The following CLCC1 variants were observed in gnomAD, a reference collection of about 807,000 sequenced individuals.
CLCC1 encodes the protein chloride channel CLIC-like protein 1.
CLCC1 carries 39 observed loss-of-function variants against 63.3 expected under a neutral mutation model. That is an observed-to-expected ratio of 0.62 (90% CI 0.48 to 0.81). The LOEUF (loss-of-function observed/expected upper bound fraction) is 0.81, where lower values mean the gene tolerates loss of function less well. Among genes scored for constraint, CLCC1 ranks in the 30% least tolerant of loss-of-function variants. CLCC1 has a pLI of 0.00. For missense variants in CLCC1, 549 were observed against 669.4 expected (o/e 0.82, Z 1.98); for synonymous variants, 217 against 239.8 (o/e 0.90, Z 0.88).
chr1:108,954,817 CGTGTGTGTGTGTGTGTGT>C (rs58482013), intron 2 of CLCC1, among the ~76,000 whole-genome samples: 1 of 140,518 alleles, frequency 7.1e-6, no homozygotes, highest in Admixed American at 7.0e-5. Flanking sequence ...ACTGTCTTTG[CGTGTGTGTGTGTGTGTGT>C]GTGTGTGTGT....
intron 2 of CLCC1, among the ~76,000 whole-genome samples, chr1:108,959,010 C>A (rs1557900928): frequency 6.9e-6 from 1 of 145,382 alleles, no homozygotes; most frequent in East Asian, 2.0e-4. Flanking sequence ...CCCATCTCTA[C>A]AAAAAAATAC....
intron 2 of CLCC1, among the ~76,000 whole-genome samples, chr1:108,961,478 TTCTC>T (rs983415270): frequency 4.9e-4 from 75 of 152,308 alleles, no homozygotes; most frequent in African/African-American, 1.6e-3. Context: ...ACACTACTCT[TTCTC>T]TCTCCCGCAG....
intron 9 of CLCC1, 58 bp from the exon 10 acceptor site, chr1:108,939,840 A>G: frequency 6.5e-7 from 1 of 1,540,292 alleles, no homozygotes; most frequent in Non-Finnish European, 8.8e-7. Flanking sequence ...TACAGAATGC[A>G]TCAAAATTCA....
rs902850622 is a variant in CLCC1 at position 108,931,938 on chromosome 1, T to G, written c.*609A>C. The G allele has an allele frequency of 6.4e-6, 1 of 155,122 alleles. No homozygotes were observed. Among genetic ancestry groups the G allele is most frequent in the African/African-American group, 2.4e-5 (1 of 41,460 alleles). The allele number at this position is 155,122 out of a possible 1,614,324, so 9.6% of individuals were successfully genotyped here. Reference sequence around the variant, plus strand: ...CAACATTATTCCATTTAAACATTGTTTTTAACAGCTGTCTACCCTGTTCTG... The same window carrying G: ...CAACATTATTCCATTTAAACATTGTGTTTAACAGCTGTCTACCCTGTTCTG... On this transcript the variant is annotated 3_prime_UTR_variant, in exon 13 of 13. Coordinates refer to ENST00000369969, the MANE Select transcript of CLCC1 (RefSeq NM_001377458.1).
intron 4 of CLCC1, 87 bp downstream of exon 4, chr1:108,949,733 A>T: frequency 1.4e-6 from 1 of 709,162 alleles, no homozygotes. Flanking sequence ...CGGAAACACT[A>T]GAAATACAAA....
At chr1:108,945,282 G>A (rs67008022) in intron 5 of CLCC1, among the ~76,000 whole-genome samples, 16,645 of 151,928 alleles carry the variant, frequency 0.11, 1,143 homozygotes, top group Middle Eastern at 0.19. Context: ...TCAGAGGGCC[G>A]TTTTAAACAA....
Position 108,937,408 on chromosome 1 carries a change from T to G in CLCC1, c.1052A>C (p.Tyr351Ser), listed in dbSNP as rs150318832. ...CACATGAACTGATTTTCCAGCACCA[T>G]AGCAGAAACTCTGTAAGGAAAAGAA... ...IMALAILSFC[Y>S]GAGKSVHVLR... The change falls in exon 11 of 13, where the codon TAT becomes TCT. Residue 351 changes from tyrosine (Y) to serine (S), a missense_variant. Physicochemically the swap from Tyr to Ser is moderately radical, Grantham distance 144 (BLOSUM62 -2). Coordinates refer to ENST00000369969, the MANE Select transcript of CLCC1 (RefSeq NM_001377458.1). 1.3e-6 allele frequency: 2 copies of G among 1,592,806 alleles called. No individual in the cohort carries two copies. Among genetic ancestry groups the G allele is most frequent in the Admixed American group, 1.8e-5 (1 of 56,074 alleles).
At chr1:108,937,037 G>T in intron 11 of CLCC1, 40 bp downstream of exon 11, 1 of 1,382,642 alleles carries the variant, frequency 7.2e-7, no homozygotes, top group Non-Finnish European at 9.6e-7. Context: ...TTTAGAACCA[G>T]TAATGAAGGG....
At chr1:108,959,112 T>C (rs1656303795) in intron 2 of CLCC1, among the ~76,000 whole-genome samples, 1 of 152,076 alleles carries the variant, frequency 6.6e-6, no homozygotes, top group Admixed American at 6.6e-5. Flanking sequence ...AGGCGGAGGT[T>C]GAGGTGAGCC....
At position 108,939,736 on chromosome 1, in the gene CLCC1, T is replaced by C; in HGVS notation, c.941A>G (p.His314Arg). The change falls in exon 10 of 13, where the codon CAT (histidine) becomes CGT (arginine). Residue 314 changes from histidine to arginine, a missense_variant. His to Arg is a conservative substitution (Grantham distance 29, BLOSUM62 0). Transcript: ENST00000369969. ...AAATTCCCCAGTTCCTTTTCCAATA[T>C]GCTTCAATGGCTCCGTTACAAATGT... Reference protein sequence around the residue: ...FTTFVTEPLKHIGKGTGEFIK... With the variant: ...FTTFVTEPLKRIGKGTGEFIK... The C allele has an allele frequency of 6.2e-7, 1 of 1,614,190 alleles. No homozygotes were observed. The highest frequency in any genetic ancestry group is 8.5e-7 in the Non-Finnish European group (1 of 1,180,036).
In CLCC1 at chr1:108,937,330, CGT is replaced by C; in HGVS notation, c.1128_1129del (p.Arg377GlyfsTer2). 6.2e-7 allele frequency: 1 copy of C among 1,614,208 alleles called. No individual in the cohort carries two copies. Among genetic ancestry groups the C allele is most frequent in the Non-Finnish European group, 8.5e-7 (1 of 1,180,036 alleles). ...AATTTCCTCCTGCCGTCTTCTATCC[CGT>C]GGCCGAAGTGCCTGGGGAGGTTCGC... On this transcript the variant is annotated frameshift_variant, in exon 11 of 13. Coordinates refer to ENST00000369969, the MANE Select transcript of CLCC1 (RefSeq NM_001377458.1). LOFTEE classifies it high-confidence loss of function.
chr1:108,934,520 T>C (rs1238390197), intron 12 of CLCC1, 105 bp downstream of exon 12: 1 of 860,298 alleles, frequency 1.2e-6, no homozygotes, highest in Admixed American at 2.9e-5. Context: ...TAATTGTCAG[T>C]AAAAATGTGA....
rs931567682 is a variant in CLCC1, at chr1:108,962,629, G to A, written c.-172-160C>T. Among the ~76,000 whole-genome samples the A allele has an allele frequency of 2.0e-5, 3 of 152,190 alleles. No homozygotes were observed. The South Asian group carries it at 6.2e-4, about 31-fold the overall frequency. On this transcript the variant is annotated intron_variant, in intron 1 of 12. Transcript: ENST00000369969. ...CACGCTTGTAATCCCAGCACTTTGG[G>A]AGGCCAAGATGGGAAGATCCTTTGA...
At chr1:108,961,300 C>A (rs954531945) in intron 2 of CLCC1, among the ~76,000 whole-genome samples, 22 of 65,990 alleles carry the variant, frequency 3.3e-4, no homozygotes, top group East Asian at 2.4e-3. Context: ...AAAAAAAAAA[C>A]GATTCTGATT....
At chr1:108,940,567 C>G (rs528646180) in intron 8 of CLCC1, among the ~76,000 whole-genome samples, 1 of 152,268 alleles carries the variant, frequency 6.6e-6, no homozygotes, top group African/African-American at 2.4e-5. Flanking sequence ...AAAGGGTACA[C>G]GGGCTCTCTC....
chr1:108,945,048 TG>T (rs1432796986), intron 5 of CLCC1, among the ~76,000 whole-genome samples: 1 of 152,238 alleles, frequency 6.6e-6, no homozygotes, highest in Non-Finnish European at 1.5e-5. Flanking sequence ...TTTTATCAAT[TG>T]ATCAATATAT....
At chr1:108,941,528 G>C (rs998003864) in intron 7 of CLCC1, 30 bp from the exon 8 acceptor site, 1 of 1,590,650 alleles carries the variant, frequency 6.3e-7, no homozygotes, top group Non-Finnish European at 8.6e-7. Context: ...AACCAGGAGA[G>C]GCCGTTACCT....
chr1:108,961,852 T>A (rs1307872492), intron 2 of CLCC1, among the ~76,000 whole-genome samples: 1 of 151,228 alleles, frequency 6.6e-6, no homozygotes, highest in Admixed American at 6.6e-5. Flanking sequence ...AGAGCAAAAC[T>A]CCGTCTAAAA....
At position 108,934,934 on chromosome 1, in the gene CLCC1, T is replaced by G; in HGVS notation, c.1392A>C (p.Ser464=). Residue 464 remains serine (S), a synonymous_variant, in exon 12 of 13, where the codon TCA becomes TCC. Transcript: ENST00000369969. ...EHPTVVPSHK[S]PVLDTKPKET... ...CCTTGGGCTTTGTATCCAAAACAGG[T>G]GATTTATGCTATAAAGTACAAAATT... The G allele has an allele frequency of 1.2e-6, 2 of 1,607,874 alleles. No homozygotes were observed. Among genetic ancestry groups the G allele is most frequent in the Non-Finnish European group, 1.7e-6 (2 of 1,176,074 alleles).
Sources: gnomAD v4.1 joint callset for allele counts (sites outside exome capture counted in the v4.1 genomes callset) on GRCh38, gnomAD v4.1.1 for gene constraint, MANE v1.5 for transcripts, NCBI Gene and HGNC (gene_info 2026-07-23, HGNC 2026-07-21) for gene names.